The following LDHAL6A variants were observed in gnomAD, a reference collection of about 807,000 sequenced individuals.
LDHAL6A encodes L-lactate dehydrogenase A-like 6A.
Under a neutral mutation model 28.2 loss-of-function variants are expected in LDHAL6A, and 19 were observed. The observed-to-expected ratio is 0.67, with a 90% CI of 0.47 to 0.99. The LOEUF is 0.99. Among genes scored for constraint, LDHAL6A ranks in the 50% least tolerant of loss-of-function variants. LDHAL6A has a pLI of 0.00. For missense variants in LDHAL6A, 372 were observed against 398.6 expected, an observed-to-expected ratio of 0.93 and a Z score of 0.57; for synonymous variants, 144 against 134.4, an observed-to-expected ratio of 1.07 and a Z score of -0.49.
chr11:18,471,016 C>G lies in LDHAL6A; in HGVS notation c.419-4450C>G, dbSNP rs576333183. On this transcript the variant is annotated intron_variant, in intron 3 of 6. Transcript: ENST00000280706. ...TTCAACAGTGTTTTATTTTCAGTAA[C>G]TGACCTACTGCAGTCTATTTTCAGA... Among the ~76,000 whole-genome samples the G allele has an allele frequency of 1.6e-4, 25 of 152,142 alleles. 2 individuals are homozygous for G. In the South Asian group the frequency reaches 4.8e-3, roughly 29 times the overall value.
At chr11:18,467,855 C>CAAA (rs1173572966) in intron 3 of LDHAL6A, among the ~76,000 whole-genome samples, 31 of 60,058 alleles carry the variant, frequency 5.2e-4, no homozygotes, top group South Asian at 1.3e-3. Flanking sequence ...AAGACTGTCT[C>CAAA]AAAAAAAATA....
At chr11:18,478,665 CTT>C (rs1849454392) in intron 6 of LDHAL6A, 39 bp from the exon 7 acceptor site, 1 of 1,515,294 alleles carries the variant, frequency 6.6e-7, no homozygotes, top group Admixed American at 1.8e-5. Flanking sequence ...TATTGCAGAA[CTT>C]TGTTAAAAAA....
chr11:18,461,457 C>G (rs1590246471), intron 1 of LDHAL6A, among the ~76,000 whole-genome samples: 1 of 152,106 alleles, frequency 6.6e-6, no homozygotes, highest in South Asian at 2.1e-4. Context: ...TCATTTACTT[C>G]TAAGCACTAA....
chr11:18,475,552 C>T lies in LDHAL6A; in HGVS notation c.505C>T (p.Arg169Cys), dbSNP rs368803699. 40 of 1,613,898 alleles carry T rather than the reference C, an allele frequency of 2.5e-5. No homozygotes were observed. Among genetic ancestry groups the T allele is most frequent in the African/African-American group, 1.7e-4 (13 of 74,916 alleles). ...AAGTGGTTGTAATCTGGACTCTGCTCGTTTTCGTTACTTTATTGGGCAAAG... is the reference window on the plus strand; with the variant it reads ...AAGTGGTTGTAATCTGGACTCTGCTTGTTTTCGTTACTTTATTGGGCAAAG... ...IGSGCNLDSA[R>C]FRYFIGQRLG... The change falls in exon 4 of 7, where the codon CGT (arginine) becomes TGT (cysteine). Residue 169 changes from arginine (R) to cysteine (C), a missense_variant. By Grantham distance (180) the Arg-to-Cys change is radical. Around this residue, in one of 3 missense-constraint regions of LDHAL6A, gnomAD observed 291 missense variants for 302.9 expected, o/e 0.96. Transcript: ENST00000280706.
chr11:18,473,716 GT>G (rs1244546196), intron 3 of LDHAL6A, among the ~76,000 whole-genome samples: 1 of 152,218 alleles, frequency 6.6e-6, no homozygotes, highest in East Asian at 1.9e-4. Context: ...ATTCTTGGTA[GT>G]TTTTTTCTCC....
intron 1 of LDHAL6A, 49 bp downstream of exon 1, chr11:18,456,855 G>A (rs1166998418): frequency 1.0e-5 from 16 of 1,580,300 alleles, no homozygotes; most frequent in African/African-American, 4.1e-5. Flanking sequence ...TGGAGGCGAG[G>A]CCACAGCGTA....
intron 1 of LDHAL6A, among the ~76,000 whole-genome samples, chr11:18,461,352 C>T (rs963409413): frequency 1.4e-5 from 2 of 147,142 alleles, no homozygotes; most frequent in African/African-American, 5.0e-5. Context: ...ACCATATTGG[C>T]CAGGTTGGTC....
chr11:18,467,944 C>A (rs1286872435), intron 3 of LDHAL6A, among the ~76,000 whole-genome samples: 2 of 56,738 alleles, frequency 3.5e-5, no homozygotes, highest in Non-Finnish European at 5.9e-5. Context: ...TATACACACA[C>A]ATATATATAT....
chr11:18,461,043 G>A (rs1297434836), intron 1 of LDHAL6A, among the ~76,000 whole-genome samples: 1 of 152,122 alleles, frequency 6.6e-6, no homozygotes, highest in Non-Finnish European at 1.5e-5. Context: ...TCACGATGTT[G>A]GCCAGGCTGG....
At position 18,462,765 on chromosome 11, in the gene LDHAL6A, G is replaced by A. The variant is rs376230727; in HGVS notation, c.127-1196G>A. Among the ~76,000 whole-genome samples, 666 of 151,706 alleles carry A rather than the reference G, an allele frequency of 4.4e-3. 4 individuals carry two copies. Among genetic ancestry groups the A allele is most frequent in the African/African-American group, 0.016 (641 of 41,326 alleles). On this transcript the variant is annotated intron_variant, in intron 1 of 6. Transcript: ENST00000280706. ...GGAGAATCACTAGAACCCAGGAAGC[G>A]GAGGTGGCAGTGAGCCGAGATTGCA...
chr11:18,471,197 C>CTAAACTT (rs1427490052), intron 3 of LDHAL6A, among the ~76,000 whole-genome samples: 1 of 149,820 alleles, frequency 6.7e-6, no homozygotes, highest in Admixed American at 6.7e-5. Context: ...AATTGTAAAA[C>CTAAACTT]TAAACTTTAG....
chr11:18,475,762 A>G (rs1364394091), intron 4 of LDHAL6A, 123 bp downstream of exon 4: 1 of 718,804 alleles, frequency 1.4e-6, no homozygotes, highest in Non-Finnish European at 2.1e-6. Context: ...CCCTTTTAGT[A>G]GCGTTTAATT....
intron 1 of LDHAL6A, among the ~76,000 whole-genome samples, chr11:18,460,280 A>C (rs964285511): frequency 4.9e-4 from 74 of 152,160 alleles, no homozygotes; most frequent in African/African-American, 1.5e-3. Context: ...AAATATAAAT[A>C]AATGAATAAA....
chr11:18,477,424 C>T (rs1440011704), intron 5 of LDHAL6A, among the ~76,000 whole-genome samples, 196 bp from the exon 6 acceptor site: 2 of 151,618 alleles, frequency 1.3e-5, no homozygotes, highest in East Asian at 3.9e-4. Flanking sequence ...ACACTACTGC[C>T]CTCCAGCCTG....
At chr11:18,461,394 T>C (rs1301967471) in intron 1 of LDHAL6A, among the ~76,000 whole-genome samples, 3 of 151,914 alleles carry the variant, frequency 2.0e-5, no homozygotes, top group African/African-American at 7.3e-5. Flanking sequence ...CCGCCCACCT[T>C]GGCCTCCCAA....
chr11:18,477,646 GT>G lies in LDHAL6A; in HGVS notation c.739del (p.Tyr247IlefsTer10). Reference sequence around the variant, plus strand: ...GGCTATGAGATGGTCAAAATGAAAGGTTATACTTCTTGGGGCATTAGCCTAT... The same window carrying G: ...GGCTATGAGATGGTCAAAATGAAAGGTATACTTCTTGGGGCATTAGCCTAT... The part of the protein sequence containing the change: ...SSGYEMVKMK[G>X]YTSWGISLSV... On this transcript the variant is annotated frameshift_variant, in exon 6 of 7. Coordinates refer to ENST00000280706, the MANE Select transcript of LDHAL6A (RefSeq NM_144972.5). LOFTEE classifies it high-confidence loss of function. 6.2e-7 allele frequency: 1 copy of G among 1,612,230 alleles called. No homozygotes were observed. The highest frequency in any genetic ancestry group is 8.5e-7 in the Non-Finnish European group (1 of 1,179,528).
chr11:18,476,466 G>A lies in LDHAL6A; in HGVS notation c.675G>A (p.Glu225=). ...NPDIGTDKDP[E]QWENVHKKVI... ...ATATAGGAACTGATAAAGATCCTGA[G>A]CAGTGGGAAAATGTCCACAAAAAAG... is the stretch of plus-strand genomic sequence containing the variant. Residue 225 remains glutamate (E), a synonymous_variant, in exon 5 of 7, where the codon GAG becomes GAA. Transcript: ENST00000280706. The A allele has an allele frequency of 6.2e-7, 1 of 1,614,068 alleles. No individual in the cohort carries two copies. Among genetic ancestry groups the A allele is most frequent in the Admixed American group, 1.7e-5 (1 of 59,996 alleles).
intron 3 of LDHAL6A, chr11:18,469,225 G>A: frequency 1.6e-6 from 1 of 625,010 alleles, no homozygotes; most frequent in East Asian, 3.0e-5. Flanking sequence ...AAGTCTGTGG[G>A]GACAGTAAGT....
At chr11:18,460,378 G>A (rs1263930781) in intron 1 of LDHAL6A, among the ~76,000 whole-genome samples, 14 of 151,900 alleles carry the variant, frequency 9.2e-5, no homozygotes, top group Non-Finnish European at 1.5e-4. Context: ...GATCACCTGA[G>A]GTCAGGAGTT....
Sources: allele counts gnomAD v4.1 joint callset (sites outside exome capture counted in the v4.1 genomes callset), GRCh38; gene constraint gnomAD v4.1.1; regional missense constraint gnomAD v4.1.1; transcripts MANE v1.5; gene names NCBI Gene and HGNC (gene_info 2026-07-23, HGNC 2026-07-21).